The following OPCML variants were observed in gnomAD, a reference collection of about 807,000 sequenced individuals.
OPCML encodes the protein opioid-binding protein/cell adhesion molecule.
Under a neutral mutation model 37.8 loss-of-function variants are expected in OPCML, and 13 were observed. The observed-to-expected ratio is 0.34, with a 90% CI of 0.22 to 0.55. The LOEUF (loss-of-function observed/expected upper bound fraction) is 0.55, where lower values mean the gene tolerates loss of function less well. Ranked by LOEUF, OPCML falls within the 20% of genes least tolerant of loss-of-function variation. The pLI, the probability that OPCML is intolerant of heterozygous loss-of-function variation, is 0.91. For synonymous variants in OPCML, 176 were observed against 168.8 expected, an observed-to-expected ratio of 1.04 and a Z score of -0.33; for missense variants, 341 against 435.6, an observed-to-expected ratio of 0.78 and a Z score of 1.93.
At chr11:132,981,374 G>T (rs1048344873) in intron 1 of OPCML, among the ~76,000 whole-genome samples, 2 of 152,318 alleles carry the variant, frequency 1.3e-5, no homozygotes, top group South Asian at 2.1e-4. Flanking sequence ...GCAGCACTGG[G>T]TCCTGAAGGC....
rs75948016 is a variant in OPCML, at chr11:132,879,872, A to G, written c.146+63054T>C. Among the ~76,000 whole-genome samples the G allele has an allele frequency of 4.5e-3, 685 of 152,330 alleles. 10 individuals carry two copies. Among genetic ancestry groups the G allele is most frequent in the African/African-American group, 0.016 (651 of 41,586 alleles). On this transcript the variant is annotated intron_variant, in intron 2 of 7. Transcript: ENST00000524381. ...TACAAACAAAAACATACATTGTACC[A>G]TCATACCTTCTTTATGGTGACTTGG...
chr11:132,945,458 A>T (rs985913948), intron 1 of OPCML, among the ~76,000 whole-genome samples: 2 of 152,246 alleles, frequency 1.3e-5, no homozygotes, highest in African/African-American at 4.8e-5. Context: ...TCTGTACAGG[A>T]CATTTGCCGC....
At chr11:133,184,474 C>T (rs760946752) in intron 1 of OPCML, among the ~76,000 whole-genome samples, 4 of 151,988 alleles carry the variant, frequency 2.6e-5, no homozygotes, top group Non-Finnish European at 4.4e-5. Flanking sequence ...AAGGACCTTC[C>T]GTGGGGAGGG....
At chr11:133,372,538 A>G (rs373909996) in intron 1 of OPCML, among the ~76,000 whole-genome samples, 3 of 152,228 alleles carry the variant, frequency 2.0e-5, no homozygotes, top group East Asian at 1.9e-4. Context: ...TTTAACTTCA[A>G]TGAAGCTTAC....
At chr11:132,971,768 ACT>A (rs959339913) in intron 1 of OPCML, among the ~76,000 whole-genome samples, 6 of 151,160 alleles carry the variant, frequency 4.0e-5, no homozygotes, top group African/African-American at 1.5e-4. Flanking sequence ...CCTCTTCTTT[ACT>A]CTCTTTCCCT....
intron 4 of OPCML, among the ~76,000 whole-genome samples, chr11:132,462,434 C>A (rs543304842): frequency 2.6e-5 from 4 of 152,250 alleles, no homozygotes; most frequent in Non-Finnish European, 5.9e-5. Context: ...GGATTTGAGC[C>A]CCACACAGGA....
At chr11:132,683,672 G>T (rs866335452) in intron 2 of OPCML, among the ~76,000 whole-genome samples, 30 of 152,218 alleles carry the variant, frequency 2.0e-4, no homozygotes, top group Middle Eastern at 6.8e-3. Flanking sequence ...TATTACTACA[G>T]CCCAGTATTT....
intron 1 of OPCML, among the ~76,000 whole-genome samples, chr11:133,139,059 AT>A (rs1949732277): frequency 1.3e-5 from 2 of 152,130 alleles, no homozygotes; most frequent in Non-Finnish European, 2.9e-5. Flanking sequence ...CTTAGCATAC[AT>A]TTTTCCAGAT....
chr11:133,122,405 C>A (rs1035520186), intron 1 of OPCML, among the ~76,000 whole-genome samples: 3 of 152,118 alleles, frequency 2.0e-5, no homozygotes, highest in African/African-American at 7.2e-5. Context: ...ATCCTGCTGG[C>A]TAGTAACAGA....
intron 2 of OPCML, among the ~76,000 whole-genome samples, chr11:132,668,223 G>C (rs1942306688): frequency 6.6e-6 from 1 of 152,164 alleles, no homozygotes; most frequent in African/African-American, 2.4e-5. Context: ...GAGGCAAGTT[G>C]GTTCTTCTAA....
At chr11:132,464,399 C>G (rs2136925315) in intron 4 of OPCML, among the ~76,000 whole-genome samples, 1 of 152,298 alleles carries the variant, frequency 6.6e-6, no homozygotes, top group African/African-American at 2.4e-5. Flanking sequence ...GACACCCACC[C>G]CATCCTACCC....
At chr11:132,636,929 G>T (rs982414291) in intron 3 of OPCML, among the ~76,000 whole-genome samples, 4 of 152,206 alleles carry the variant, frequency 2.6e-5, no homozygotes, top group South Asian at 2.1e-4. Context: ...AATTTCAAAG[G>T]TTCTAATACG....
chr11:133,508,930 C>T (rs190255966), intron 1 of OPCML, among the ~76,000 whole-genome samples: 1 of 152,250 alleles, frequency 6.6e-6, no homozygotes, highest in African/African-American at 2.4e-5. Flanking sequence ...CGTGCCACTC[C>T]TAACTTATGC....
chr11:132,472,561 G>A (rs1454250852), intron 4 of OPCML, among the ~76,000 whole-genome samples: 1 of 152,232 alleles, frequency 6.6e-6, no homozygotes, highest in East Asian at 1.9e-4. Context: ...ATTCTCTTCT[G>A]TAATTCTGCC....
chr11:132,717,661 T>A (rs1216540934), intron 2 of OPCML, among the ~76,000 whole-genome samples: 2 of 152,074 alleles, frequency 1.3e-5, no homozygotes, highest in African/African-American at 2.4e-5. Flanking sequence ...ATTTCCCTTA[T>A]CCGAAACAAA....
At chr11:133,306,338 GAAGCAATGCAAAATATC>G (rs1214840235) in intron 1 of OPCML, among the ~76,000 whole-genome samples, 1 of 152,150 alleles carries the variant, frequency 6.6e-6, no homozygotes, top group Non-Finnish European at 1.5e-5. Context: ...AAATGAGACA[GAAGCAATGCAAAATATC>G]AAACAATGAC....
chr11:133,249,371 C>T (rs1226412754), intron 1 of OPCML, among the ~76,000 whole-genome samples: 2 of 152,156 alleles, frequency 1.3e-5, no homozygotes, highest in African/African-American at 4.8e-5. Flanking sequence ...AGTGAGAACT[C>T]ACTCACTAAT....
At chr11:133,424,430 T>C (rs1231600656) in intron 1 of OPCML, among the ~76,000 whole-genome samples, 2 of 152,358 alleles carry the variant, frequency 1.3e-5, no homozygotes, top group Non-Finnish European at 2.9e-5. Context: ...TAACCACTTA[T>C]AAAATTTTGC....
intron 1 of OPCML, among the ~76,000 whole-genome samples, chr11:133,092,957 G>T (rs1178651415): frequency 2.6e-5 from 4 of 152,112 alleles, no homozygotes; most frequent in African/African-American, 7.2e-5. Context: ...GCCTATAAGA[G>T]ATATCCAGTG....
Sources: allele counts gnomAD v4.1 joint callset (sites outside exome capture counted in the v4.1 genomes callset), GRCh38; gene constraint gnomAD v4.1.1; transcripts MANE v1.5; gene names NCBI Gene and HGNC (gene_info 2026-07-23, HGNC 2026-07-21).